Variants in COL27A1 observed in about 807,000 individuals in gnomAD.
COL27A1 encodes collagen alpha-1(XXVII) chain.
Under a neutral mutation model 251.3 loss-of-function variants are expected in COL27A1, and 106 were observed. That is an observed-to-expected ratio of 0.42 (90% CI 0.36 to 0.50). The LOEUF is 0.50. Ranked by LOEUF, COL27A1 falls within the 20% of genes least tolerant of loss-of-function variation. The pLI, the probability that COL27A1 is intolerant of heterozygous loss-of-function variation, is 0.00. For missense variants in COL27A1, 2,325 were observed against 2,522.8 expected, an observed-to-expected ratio of 0.92 and a Z score of 1.68; for synonymous variants, 1,000 against 986.3, an observed-to-expected ratio of 1.01 and a Z score of -0.26.
At position 114,240,458 on chromosome 9, in the gene COL27A1, C is replaced by T. The variant is rs1334943873; in HGVS notation, c.2806C>T (p.Pro936Ser). 4 of 1,612,568 alleles carry T rather than the reference C, an allele frequency of 2.5e-6. No homozygotes were observed. In the Admixed American group the frequency reaches 6.7e-5, roughly 27 times the overall value. The change falls in exon 21 of 61, where the codon CCG becomes TCG. Residue 936 changes from proline to serine, a missense_variant. Pro to Ser is a moderately conservative substitution (Grantham distance 74, BLOSUM62 -1). Coordinates refer to ENST00000356083, the MANE Select transcript of COL27A1 (RefSeq NM_032888.4). ...GGGTAAGCCTGGAGCCCGAGGCCTG[C>T]CGGGACCCCGTGGGCAGCTGGGGCC... is the stretch of plus-strand genomic sequence containing the variant. Reference protein sequence around the residue: ...MKGKPGARGLPGPRGQLGPEG... With the variant: ...MKGKPGARGLSGPRGQLGPEG...
At chr9:114,157,525 A>G (rs1848203956) in intron 1 of COL27A1, among the ~76,000 whole-genome samples, 1 of 152,160 alleles carries the variant, frequency 6.6e-6, no homozygotes, top group Non-Finnish European at 1.5e-5. Flanking sequence ...GCGGACCCTC[A>G]GCAGCCAGCA....
At position 114,168,845 on chromosome 9, in the gene COL27A1, G is replaced by C. The variant is rs201849595; in HGVS notation, c.1290G>C (p.Pro430=). Residue 430 remains proline (P), a synonymous_variant, in exon 3 of 61, where the codon CCG becomes CCC. Transcript: ENST00000356083. ...RPAEKPIQRN[P]GMPRPPPPST... The stretch of plus-strand genomic sequence containing the variant: ...CAGAGAAGCCCATCCAGAGGAACCC[G>C]GGAATGCCCAGGCCCCCACCGCCCA... The C allele has an allele frequency of 1.9e-6, 3 of 1,613,856 alleles. No homozygotes were observed. The East Asian group carries it at 6.7e-5, about 36-fold the overall frequency.
At chr9:114,213,087 T>G (rs1379414456) in intron 12 of COL27A1, among the ~76,000 whole-genome samples, 2 of 152,210 alleles carry the variant, frequency 1.3e-5, no homozygotes, top group African/African-American at 4.8e-5. Context: ...GTCACATGGC[T>G]GCTCAGTGTC....
intron 14 of COL27A1, among the ~76,000 whole-genome samples, chr9:114,229,121 G>A (rs930376587): frequency 9.9e-5 from 15 of 152,196 alleles, no homozygotes; most frequent in Non-Finnish European, 2.1e-4. Context: ...ATGGCGCCAC[G>A]CTGGGCCTGA....
chr9:114,266,978 A>G (rs1834789212), intron 33 of COL27A1, among the ~76,000 whole-genome samples: 1 of 152,132 alleles, frequency 6.6e-6, no homozygotes, highest in Admixed American at 6.5e-5. Flanking sequence ...CCAGCCCCCA[A>G]GGGTCATGCA....
intron 12 of COL27A1, chr9:114,217,834 C>T (rs2135372768): frequency 2.1e-6 from 1 of 470,614 alleles, no homozygotes; most frequent in Non-Finnish European, 4.4e-6. Context: ...GGTGCCCTGG[C>T]TGGACGCCAT....
intron 7 of COL27A1, 147 bp downstream of exon 7, chr9:114,196,159 A>G: frequency 1.4e-6 from 1 of 734,380 alleles, no homozygotes; most frequent in Non-Finnish European, 2.4e-6. Context: ...GAGGTGAGAG[A>G]GCTTTCCAAG....
upstream of COL27A1, among the ~76,000 whole-genome samples, chr9:114,154,641 G>A (rs1848024783): frequency 6.6e-6 from 1 of 152,158 alleles, no homozygotes; most frequent in Admixed American, 6.5e-5. The surrounding 1 kb of genome is among the most constrained non-coding windows in gnomAD (Gnocchi z 5.8). Flanking sequence ...TTCTGCGAGT[G>A]TAGAGTATCA....
intron 37 of COL27A1, among the ~76,000 whole-genome samples, chr9:114,277,791 C>T (rs981791507): frequency 6.6e-6 from 1 of 152,208 alleles, no homozygotes; most frequent in Non-Finnish European, 1.5e-5. Flanking sequence ...CCTGCCCTCT[C>T]TGGTTTTGCC....
chr9:114,265,040 G>T (rs746674997), intron 30 of COL27A1, 26 bp from the exon 31 acceptor site: 1 of 1,613,704 alleles, frequency 6.2e-7, no homozygotes, highest in Non-Finnish European at 8.5e-7. Flanking sequence ...ATCTGAGCCT[G>T]TAATGACCCC....
chr9:114,171,630 A>T (rs942818470), intron 3 of COL27A1, among the ~76,000 whole-genome samples: 6 of 151,740 alleles, frequency 4.0e-5, no homozygotes, highest in African/African-American at 1.5e-4. Flanking sequence ...TGTCCGGCTA[A>T]TTTTTTCACT....
At chr9:114,194,185 A>G (rs1828941664) in intron 5 of COL27A1, among the ~76,000 whole-genome samples, 2 of 152,110 alleles carry the variant, frequency 1.3e-5, no homozygotes, top group African/African-American at 4.8e-5. Context: ...TAGCAGAAGG[A>G]GGAACTTGGA....
At chr9:114,184,765 G>T (rs997677139) in intron 5 of COL27A1, among the ~76,000 whole-genome samples, 2 of 152,214 alleles carry the variant, frequency 1.3e-5, no homozygotes, top group Non-Finnish European at 2.9e-5. Context: ...GGGAAACTGA[G>T]GCACGGGTCG....
chr9:114,288,458 G>C lies in COL27A1; in HGVS notation c.3991G>C (p.Glu1331Gln). The change falls in exon 42 of 61, where the codon GAG (glutamate) becomes CAG (glutamine). Residue 1331 changes from glutamate (E) to glutamine (Q), a missense_variant. By Grantham distance (29) the Glu-to-Gln change is conservative (BLOSUM62 2). Around this residue, in one of 4 missense-constraint regions of COL27A1, gnomAD observed 662 missense variants for 795.3 expected, o/e 0.83. Transcript: ENST00000356083. ...GPPGPKGEKG[E>Q]QGEDGKAEGP... ...AAAGCTGGTTCTGTGTCCACAGGGG[G>C]AGCAGGGCGAGGACGGCAAGGCTGA... 6.2e-7 allele frequency: 1 copy of C among 1,610,046 alleles called. No individual in the cohort carries two copies. Among genetic ancestry groups the C allele is most frequent in the Non-Finnish European group, 8.5e-7 (1 of 1,178,918 alleles).
intron 23 of COL27A1, among the ~76,000 whole-genome samples, chr9:114,245,156 T>TG (rs1402068521): frequency 0.054 from 7,527 of 139,348 alleles, 693 homozygotes; most frequent in East Asian, 0.45. Context: ...TTGTTTTTTT[T>TG]TTTTTTTTTT....
At chr9:114,295,113 A>G (rs1355236340) in intron 49 of COL27A1, among the ~76,000 whole-genome samples, 3 of 152,252 alleles carry the variant, frequency 2.0e-5, no homozygotes, top group African/African-American at 4.8e-5. Context: ...ACACTAATCA[A>G]TGTGCACAAA....
chr9:114,251,419 C>T (rs1299907113), intron 25 of COL27A1, among the ~76,000 whole-genome samples: 1 of 152,128 alleles, frequency 6.6e-6, no homozygotes, highest in Admixed American at 6.5e-5. Context: ...TCCTCCTCCT[C>T]CTCCTCCCTC....
chr9:114,205,080 C>G, intron 7 of COL27A1, 22 bp from the exon 8 acceptor site: 1 of 1,613,122 alleles, frequency 6.2e-7, no homozygotes. Flanking sequence ...CTGCCTGATG[C>G]AGCTTCTTCC....
chr9:114,306,809 C>A, intron 58 of COL27A1, 121 bp downstream of exon 58: 2 of 1,059,728 alleles, frequency 1.9e-6, no homozygotes, highest in Admixed American at 2.6e-5. Flanking sequence ...GATACACTGG[C>A]AGTCATTTAT....
Sources: allele counts gnomAD v4.1 joint callset (sites outside exome capture counted in the v4.1 genomes callset), GRCh38; gene constraint gnomAD v4.1.1; regional missense constraint gnomAD v4.1.1; non-coding constraint Gnocchi (gnomAD v3.1); transcripts MANE v1.5; gene names NCBI Gene and HGNC (gene_info 2026-07-23, HGNC 2026-07-21).